The following SNX25 variants were observed in gnomAD, a reference collection of about 807,000 sequenced individuals.
The protein encoded by SNX25 is sorting nexin-25.
SNX25 carries 62 observed loss-of-function variants against 113.7 expected under a neutral mutation model. The observed-to-expected ratio is 0.55, with a 90% CI of 0.44 to 0.67. The LOEUF is 0.67. Ranked by LOEUF, SNX25 falls within the 30% of genes least tolerant of loss-of-function variation. The pLI, the probability that SNX25 is intolerant of heterozygous loss-of-function variation, is 0.00. For missense variants in SNX25, 1,014 were observed against 1,161.0 expected (o/e 0.87, Z 1.84); for synonymous variants, 421 against 436.2 (o/e 0.97, Z 0.43).
Position 185,215,175 on chromosome 4 carries a change from G to A in SNX25, c.429+4920G>A, listed in dbSNP as rs546535230. On this transcript the variant is annotated intron_variant, in intron 1 of 18. Coordinates refer to ENST00000652585, the MANE Select transcript of SNX25 (RefSeq NM_001378034.2). ...ACCCGGGAGGCGGAGCTTGCAGTGA[G>A]CCGAGATCGTGCCACTGCACTCCAG... 8.0e-4 allele frequency among the ~76,000 whole-genome samples: 122 copies of A among 152,056 alleles called. 2 individuals carry two copies. The highest frequency in any genetic ancestry group is 3.4e-3 in the Middle Eastern group (1 of 294).
intron 15 of SNX25, among the ~76,000 whole-genome samples, chr4:185,356,620 T>C (rs893179967): frequency 2.0e-5 from 3 of 152,208 alleles, no homozygotes; most frequent in African/African-American, 4.8e-5. Flanking sequence ...GGCTTTAGAG[T>C]ATATTAATGT....
intron 6 of SNX25, among the ~76,000 whole-genome samples, chr4:185,294,184 C>A (rs972293578): frequency 1.3e-5 from 2 of 152,198 alleles, no homozygotes; most frequent in Non-Finnish European, 2.9e-5. Flanking sequence ...AAGTATCAAG[C>A]ACGCATAAAT....
intron 13 of SNX25, among the ~76,000 whole-genome samples, chr4:185,349,150 A>G (rs1294513978): frequency 2.6e-5 from 4 of 152,214 alleles, no homozygotes; most frequent in African/African-American, 2.4e-5. Context: ...CACATAAAAT[A>G]CACTAACCCT....
At chr4:185,290,493 G>GTGAT (rs1046581621) in intron 6 of SNX25, among the ~76,000 whole-genome samples, 56 of 152,334 alleles carry the variant, frequency 3.7e-4, no homozygotes, top group African/African-American at 1.3e-3. Context: ...CTGGTTAGCA[G>GTGAT]TGATTGTCAC....
chr4:185,282,888 C>A (rs528928159), intron 5 of SNX25, among the ~76,000 whole-genome samples: 85 of 152,320 alleles, frequency 5.6e-4, no homozygotes, highest in African/African-American at 1.9e-3. Context: ...AGAAAGAAAA[C>A]CGAGTGAGTG....
intron 7 of SNX25, 143 bp downstream of exon 7, chr4:185,310,959 A>C (rs1168124097): frequency 2.5e-6 from 2 of 815,294 alleles, no homozygotes; most frequent in Non-Finnish European, 3.8e-6. Flanking sequence ...TCTATGAGTC[A>C]AGGAGCTACA....
intron 6 of SNX25, among the ~76,000 whole-genome samples, chr4:185,307,889 G>A (rs967459798): frequency 1.3e-5 from 2 of 152,110 alleles, no homozygotes; most frequent in African/African-American, 4.8e-5. Context: ...TGAGTATCTG[G>A]AACTATAGGC....
intron 2 of SNX25, among the ~76,000 whole-genome samples, chr4:185,249,175 A>T (rs1410226856): frequency 1.3e-5 from 2 of 152,224 alleles, no homozygotes; most frequent in African/African-American, 4.8e-5. Flanking sequence ...AGAATTGCTG[A>T]GCCATAGGAT....
At chr4:185,331,367 G>C (rs1252308641) in intron 9 of SNX25, among the ~76,000 whole-genome samples, 1 of 152,156 alleles carries the variant, frequency 6.6e-6, no homozygotes, top group Non-Finnish European at 1.5e-5. Flanking sequence ...TTTTGAAGAT[G>C]ATAATACCCT....
At chr4:185,243,966 T>G (rs1302025356) in intron 1 of SNX25, among the ~76,000 whole-genome samples, 1 of 152,228 alleles carries the variant, frequency 6.6e-6, no homozygotes, top group Non-Finnish European at 1.5e-5. Flanking sequence ...ACAGGCAGTT[T>G]CCATTTTAAG....
chr4:185,286,733 G>T (rs970230599), intron 5 of SNX25, among the ~76,000 whole-genome samples: 10 of 152,320 alleles, frequency 6.6e-5, no homozygotes, highest in Admixed American at 1.3e-4. Context: ...GCAGGCAGCC[G>T]GCAGTGTCTG....
chr4:185,338,224 C>T (rs1445842339), intron 10 of SNX25, among the ~76,000 whole-genome samples: 1 of 151,184 alleles, frequency 6.6e-6, no homozygotes, highest in African/African-American at 2.4e-5. Context: ...GTGTCATAAC[C>T]AAGAAATCAT....
intron 4 of SNX25, among the ~76,000 whole-genome samples, chr4:185,265,235 G>A (rs3112861): frequency 0.4 from 60,220 of 152,056 alleles, 12,490 homozygotes; most frequent in East Asian, 0.58. Context: ...GGATGTGTCC[G>A]AAGAAATGTG....
rs1737463467 is a variant in SNX25 at position 185,209,881 on chromosome 4, G to A, written c.55G>A (p.Ala19Thr). Residue 19 changes from alanine to threonine, a missense_variant, in exon 1 of 19, where the codon GCA (alanine) becomes ACA (threonine). By Grantham distance (58) the Ala-to-Thr change is moderately conservative. Transcript: ENST00000652585. The surrounding 1 kb of genome is among the most constrained non-coding windows in gnomAD (Gnocchi z 5.2). The part of the protein sequence containing the change: ...GGAGPSPARA[A>T]GAGGRPVSGF... ...CGCCGGCCCCAGCCCCGCGCGGGCC[G>A]CAGGCGCCGGCGGCCGTCCTGTCTC... The A allele has an allele frequency of 1.0e-6, 1 of 983,300 alleles. No individual in the cohort carries two copies. Among genetic ancestry groups the A allele is most frequent in the South Asian group, 4.7e-5 (1 of 21,284 alleles). 60.9% of individuals were successfully genotyped at this position (983,300 alleles called of 1,614,324 possible).
At chr4:185,317,313 G>A (rs2095082206) in intron 7 of SNX25, among the ~76,000 whole-genome samples, 1 of 152,154 alleles carries the variant, frequency 6.6e-6, no homozygotes, top group Non-Finnish European at 1.5e-5. Context: ...TTAAAAAGTC[G>A]GGAAACAACA....
Position 185,259,074 on chromosome 4 carries a change from C to G in SNX25, c.731+10C>G. The G allele has an allele frequency of 1.2e-6, 2 of 1,609,058 alleles. No homozygotes were observed. The highest frequency in any genetic ancestry group is 1.7e-6 in the Non-Finnish European group (2 of 1,176,226). On this transcript the variant is annotated intron_variant, in intron 3 of 18. Coordinates refer to ENST00000652585, the MANE Select transcript of SNX25 (RefSeq NM_001378034.2). Reference sequence around the variant, plus strand: ...AAGCTGCCAATGCCAGGTAACTGTTCTAAGCAACTTACCCCCTTTTTTGCA... The same window carrying G: ...AAGCTGCCAATGCCAGGTAACTGTTGTAAGCAACTTACCCCCTTTTTTGCA...
rs1288625964 is a variant in SNX25, at chr4:185,210,094, G to A, written c.268G>A (p.Val90Ile). The part of the protein sequence containing the change: ...EAAGAAGLSS[V>I]LFRLSLYLSC... ...GGCGGGGGCCGCGGGGCTGAGCTCC[G>A]TCCTGTTCAGGCTCAGCCTGTACCT... Residue 90 changes from valine (V) to isoleucine (I), a missense_variant, in exon 1 of 19, where the codon GTC becomes ATC. By Grantham distance (29) the Val-to-Ile change is conservative. Transcript: ENST00000652585. The surrounding 1 kb of genome is among the most constrained non-coding windows in gnomAD (Gnocchi z 4.4). 23 of 983,532 alleles carry A rather than the reference G, an allele frequency of 2.3e-5. No individual in the cohort carries two copies. The highest frequency in any genetic ancestry group is 2.4e-5 in the Non-Finnish European group (20 of 829,074). 60.9% of individuals were successfully genotyped at this position (983,532 alleles called of 1,614,324 possible).
At chr4:185,245,695 CAT>C (rs1744768727) in intron 1 of SNX25, among the ~76,000 whole-genome samples, 1 of 152,112 alleles carries the variant, frequency 6.6e-6, no homozygotes, top group African/African-American at 2.4e-5. Context: ...TACAGACACA[CAT>C]AGACTTAAAA....
chr4:185,238,883 C>CT (rs2126442879), intron 1 of SNX25, among the ~76,000 whole-genome samples: 1 of 152,264 alleles, frequency 6.6e-6, no homozygotes, highest in East Asian at 1.9e-4. Flanking sequence ...GTTGGCTGCC[C>CT]TGGCTCCCAG....
Sources: gnomAD v4.1 joint callset for allele counts (sites outside exome capture counted in the v4.1 genomes callset) on GRCh38, gnomAD v4.1.1 for gene constraint, Gnocchi (gnomAD v3.1) non-coding constraint, MANE v1.5 for transcripts, NCBI Gene and HGNC (gene_info 2026-07-23, HGNC 2026-07-21) for gene names.